The following ZNF385D variants were observed in gnomAD, a reference collection of about 807,000 sequenced individuals.
ZNF385D encodes zinc finger protein 659.
Under a neutral mutation model 35.8 loss-of-function variants are expected in ZNF385D, and 15 were observed. The observed-to-expected ratio is 0.42, with a 90% CI of 0.28 to 0.64. The LOEUF (loss-of-function observed/expected upper bound fraction) is 0.64, where lower values mean the gene tolerates loss of function less well. Among genes scored for constraint, ZNF385D ranks in the 30% least tolerant of loss-of-function variants. The probability of loss-of-function intolerance (pLI) is 0.23; values close to 1 mark genes in which losing one functional copy is unlikely to be tolerated. For synonymous variants in ZNF385D, 212 were observed against 186.8 expected (o/e 1.13, Z -1.10); for missense variants, 474 against 494.6 (o/e 0.96, Z 0.39).
chr3:22,326,609 G>A (rs1347750641), intron 2 of ZNF385D, among the ~76,000 whole-genome samples: 1 of 152,138 alleles, frequency 6.6e-6, no homozygotes, highest in African/African-American at 2.4e-5. Context: ...TGCCAGGAAT[G>A]GAGCATCTGT....
intron 3 of ZNF385D, among the ~76,000 whole-genome samples, chr3:21,904,969 AT>A (rs1347311962): frequency 6.6e-6 from 1 of 152,112 alleles, no homozygotes; most frequent in East Asian, 1.9e-4. Context: ...AAAAAAGAAT[AT>A]TTTTGATGAG....
chr3:22,363,255 C>T (rs1696500406), intron 2 of ZNF385D, among the ~76,000 whole-genome samples: 1 of 152,094 alleles, frequency 6.6e-6, no homozygotes, highest in South Asian at 2.1e-4. Context: ...TCAAGCAGAC[C>T]CCAGCTTCTA....
intron 3 of ZNF385D, among the ~76,000 whole-genome samples, chr3:22,046,919 T>C (rs1030930522): frequency 7.2e-5 from 11 of 152,118 alleles, no homozygotes; most frequent in African/African-American, 2.2e-4. Flanking sequence ...CTATACTATA[T>C]AAGATTCATT....
intron 2 of ZNF385D, among the ~76,000 whole-genome samples, chr3:22,249,803 G>A (rs1466863026): frequency 2.0e-5 from 3 of 152,062 alleles, no homozygotes; most frequent in African/African-American, 7.2e-5. Flanking sequence ...GTTTTTTTCT[G>A]TTTATATTTA....
intron 3 of ZNF385D, among the ~76,000 whole-genome samples, chr3:22,074,646 C>A (rs1368337959): frequency 6.6e-6 from 1 of 151,880 alleles, no homozygotes; most frequent in East Asian, 1.9e-4. Context: ...GAAAAAACCT[C>A]CATTCTTCAA....
chr3:22,159,884 C>T (rs146396337), intron 3 of ZNF385D, among the ~76,000 whole-genome samples: 12 of 152,042 alleles, frequency 7.9e-5, no homozygotes, highest in African/African-American at 1.9e-4. Context: ...ATGAGGAAAG[C>T]GCCACATTTC....
At chr3:21,977,956 G>T (rs983446992) in intron 3 of ZNF385D, among the ~76,000 whole-genome samples, 2 of 152,150 alleles carry the variant, frequency 1.3e-5, no homozygotes, top group Admixed American at 1.3e-4. Flanking sequence ...TCTCTCCTCT[G>T]CTTTTTGTTC....
chr3:21,482,474 C>T (rs167936), intron 4 of ZNF385D, among the ~76,000 whole-genome samples: 35,129 of 152,088 alleles, frequency 0.23, 4,145 homozygotes, highest in East Asian at 0.28. Context: ...GCAACCATTC[C>T]CTAAGTCATC....
rs542927710 is a variant in ZNF385D, at chr3:21,661,206, G to A, written c.165+3680C>T. ...TAAATCCTTAAATTATTTCCCATTC[G>A]AATGCCTGGAATAGTTTGTATTTTT... On this transcript the variant is annotated intron_variant, in intron 2 of 7. Transcript: ENST00000281523. Among the ~76,000 whole-genome samples, 292 of 152,138 alleles carry A rather than the reference G, an allele frequency of 1.9e-3. 2 individuals are homozygous for A. The highest frequency in any genetic ancestry group is 3.4e-3 in the Middle Eastern group (1 of 294).
intron 3 of ZNF385D, among the ~76,000 whole-genome samples, chr3:22,065,078 A>C (rs923186009): frequency 6.6e-6 from 1 of 152,212 alleles, no homozygotes; most frequent in Non-Finnish European, 1.5e-5. Flanking sequence ...TAAACAAATT[A>C]GTTAGCCTTT....
intron 3 of ZNF385D, among the ~76,000 whole-genome samples, chr3:21,778,637 C>T (rs1433991378): frequency 6.6e-6 from 1 of 151,884 alleles, no homozygotes; most frequent in African/African-American, 2.4e-5. Context: ...AATCACATCA[C>T]ATATCTTTAT....
intron 2 of ZNF385D, among the ~76,000 whole-genome samples, chr3:22,293,107 G>A (rs1031146943): frequency 6.6e-6 from 1 of 151,996 alleles, no homozygotes; most frequent in African/African-American, 2.4e-5. Flanking sequence ...TAACTCAAAT[G>A]CTATCTTTTC....
intron 3 of ZNF385D, among the ~76,000 whole-genome samples, chr3:22,095,938 C>A (rs1701598155): frequency 6.6e-6 from 1 of 151,582 alleles, no homozygotes; most frequent in Non-Finnish European, 1.5e-5. Flanking sequence ...ACACAATGAA[C>A]TTTTTTGAGA....
At chr3:21,608,023 G>GGTTTTTTTTGGTTTTTTTT (rs2064542770) in intron 2 of ZNF385D, among the ~76,000 whole-genome samples, 1 of 120,218 alleles carries the variant, frequency 8.3e-6, no homozygotes, top group South Asian at 2.9e-4. Context: ...TTTTTTTTTT[G>GGTTTTTTTTGGTTTTTTTT]TTTTTTTTTT....
intron 3 of ZNF385D, among the ~76,000 whole-genome samples, chr3:21,994,338 G>A (rs551119070): frequency 6.6e-6 from 1 of 152,262 alleles, no homozygotes; most frequent in East Asian, 1.9e-4. Context: ...TTTATCTATT[G>A]TACTTGTTAA....
chr3:21,792,493 C>A (rs7643485), intron 3 of ZNF385D, among the ~76,000 whole-genome samples: 14,958 of 152,168 alleles, frequency 0.098, 760 homozygotes, highest in African/African-American at 0.1. Context: ...TTGAGTATTC[C>A]GCTGGAGACC....
At chr3:21,779,899 G>C (rs6796966) in intron 3 of ZNF385D, among the ~76,000 whole-genome samples, 1 of 151,556 alleles carries the variant, frequency 6.6e-6, no homozygotes, top group Admixed American at 6.6e-5. Context: ...TACTTAGTCC[G>C]AAAATTAAAT....
chr3:21,663,913 A>ATT lies in ZNF385D; in HGVS notation c.165+972_165+973insAA, dbSNP rs1559499748. Among the ~76,000 whole-genome samples the ATT allele has an allele frequency of 3.5e-4, 42 of 121,414 alleles. 2 individuals carry two copies. The highest frequency in any genetic ancestry group is 1.2e-3 in the African/African-American group (38 of 32,490). The allele number at this position is 121,414 out of a possible 152,430, so 79.7% of individuals were successfully genotyped here. A position where few individuals can be genotyped will look rare whatever the true frequency, so the allele number is the denominator to read the frequency against. ...CGAATATATATATATATATATATATATATATTTATTTATTTAAATCCATCA... is the reference window on the plus strand; with the variant it reads ...CGAATATATATATATATATATATATATTTATATTTATTTATTTAAATCCATCA... On this transcript the variant is annotated intron_variant, in intron 2 of 7. Transcript: ENST00000281523.
chr3:21,629,081 G>C lies in ZNF385D; in HGVS notation c.165+35805C>G, dbSNP rs527658145. On this transcript the variant is annotated intron_variant, in intron 2 of 7. Transcript: ENST00000281523. ...AAGGTTTGGTTGGCTAAAATGCAGAGGATCAGGCCTTTTTTTAAAAAAAAT... is the reference window on the plus strand; with the variant it reads ...AAGGTTTGGTTGGCTAAAATGCAGACGATCAGGCCTTTTTTTAAAAAAAAT... 2.8e-3 allele frequency among the ~76,000 whole-genome samples: 426 copies of C among 152,156 alleles called. 3 individuals are homozygous for C. Among genetic ancestry groups the C allele is most frequent in the South Asian group, 5.0e-3 (24 of 4,832 alleles).
Sources: gnomAD v4.1 joint callset for allele counts (sites outside exome capture counted in the v4.1 genomes callset) on GRCh38, gnomAD v4.1.1 for gene constraint, MANE v1.5 for transcripts, NCBI Gene and HGNC (gene_info 2026-07-23, HGNC 2026-07-21) for gene names.